The following GTF3C3 variants were observed in gnomAD, a reference collection of about 807,000 sequenced individuals.
GTF3C3 encodes the protein general transcription factor IIIC subunit 3.
In GTF3C3, 75 loss-of-function variants were observed where a neutral mutation model predicts 105.2. The ratio of observed to expected loss-of-function variants is 0.71; its 90% CI spans 0.59 to 0.86. The LOEUF (loss-of-function observed/expected upper bound fraction) is 0.86. Among genes scored for constraint, GTF3C3 ranks in the 40% least tolerant of loss-of-function variants. The pLI, the probability that GTF3C3 is intolerant of heterozygous loss-of-function variation, is 0.00. For missense variants in GTF3C3, 856 were observed against 1,076.5 expected, an observed-to-expected ratio of 0.80 and a Z score of 2.87; for synonymous variants, 335 against 370.4, an observed-to-expected ratio of 0.90 and a Z score of 1.10.
intron 2 of GTF3C3, among the ~76,000 whole-genome samples, chr2:196,795,928 TTGCTGAACAC>T (rs1302985926): frequency 3.9e-5 from 6 of 152,116 alleles, no homozygotes; most frequent in Non-Finnish European, 4.4e-5. Flanking sequence ...TTTAGCAAGG[TTGCTGAACAC>T]AAAGTCAATA....
At chr2:196,777,226 A>T (rs555694022) in intron 10 of GTF3C3, among the ~76,000 whole-genome samples, 1 of 152,148 alleles carries the variant, frequency 6.6e-6, no homozygotes, top group South Asian at 2.1e-4. Flanking sequence ...AGTGCCCTTT[A>T]GAAAGGCCTC....
Position 196,789,235 on chromosome 2 carries a change from G to A in GTF3C3, c.862C>T (p.Arg288Cys), listed in dbSNP as rs750348675. ...ATATCTCTAGCCAGCTGCATAAAAC[G>A]TTCGCCATCAGATGGAGACAAAAGG... ...LNLLSPSDGERFMQLARDMAK... is the reference protein window; with the variant it reads ...LNLLSPSDGECFMQLARDMAK... The change falls in exon 6 of 18, where the codon CGT (arginine) becomes TGT (cysteine). Residue 288 changes from arginine to cysteine, a missense_variant. Around this residue, in one of 3 missense-constraint regions of GTF3C3, gnomAD observed 605 missense variants for 833.6 expected, o/e 0.73. Transcript: ENST00000263956. 1.1e-5 allele frequency: 17 copies of A among 1,611,404 alleles called. No homozygotes were observed. In the Admixed American group the frequency reaches 1.5e-4, roughly 14 times the overall value.
Position 196,771,744 on chromosome 2 carries a change from T to C in GTF3C3, c.2260+4A>G, listed in dbSNP as rs755479072. 1.4e-5 allele frequency: 23 copies of C among 1,600,592 alleles called. No individual in the cohort carries two copies. Among genetic ancestry groups the C allele is most frequent in the East Asian group, 2.2e-5 (1 of 44,822 alleles). ...TTGACAAAGTCACGTGCCAGGACAC[T>C]TACCAAGCGCATGCTTAAAACTACC... On this transcript the variant is annotated splice_donor_region_variant and intron_variant, in intron 15 of 17. Coordinates refer to ENST00000263956, the MANE Select transcript of GTF3C3 (RefSeq NM_012086.5).
intron 14 of GTF3C3, among the ~76,000 whole-genome samples, chr2:196,772,526 CAAT>C (rs1300551078): frequency 6.6e-6 from 1 of 151,934 alleles, no homozygotes; most frequent in Non-Finnish European, 1.5e-5. Context: ...CCAGCCTGGG[CAAT>C]AGGAGCAAAA....
chr2:196,771,655 A>G (rs62185599), intron 15 of GTF3C3, 93 bp downstream of exon 15: 173,052 of 774,278 alleles, frequency 0.22, 21,880 homozygotes, highest in African/African-American at 0.44. Context: ...TGTCACAGTG[A>G]GGCTGATAAT....
chr2:196,770,063 G>A (rs1699145122), intron 15 of GTF3C3, 24 bp from the exon 16 acceptor site: 1 of 1,487,570 alleles, frequency 6.7e-7, no homozygotes, highest in African/African-American at 1.5e-5. Flanking sequence ...AGTGGTGTCA[G>A]ACGGTGTGAC....
In GTF3C3 at chr2:196,776,607, A is replaced by C; in HGVS notation, c.1413T>G (p.Tyr471Ter). ...RHAECLKALG[Y>*]MERAAESYGK... is the part of the protein sequence containing the mutation. The stretch of plus-strand genomic sequence containing the variant: ...CATAGCTTTCAGCAGCTCGCTCCAT[A>C]TAGCCTAAGGCCTTTAAACATTCTA... The change falls in exon 11 of 18, where the codon TAT (tyrosine) becomes TAG (stop). Residue 471 changes from tyrosine (Y) to a stop codon, truncating the protein, a stop_gained. Coordinates refer to ENST00000263956, the MANE Select transcript of GTF3C3 (RefSeq NM_012086.5). LOFTEE classifies it high-confidence loss of function. This position sits in a 1 kb window ranked among gnomAD's most constrained non-coding sequence, Gnocchi z 4.5. 2 of 1,613,998 alleles carry C rather than the reference A, an allele frequency of 1.2e-6. No individual in the cohort carries two copies. Among genetic ancestry groups the C allele is most frequent in the Non-Finnish European group, 1.7e-6 (2 of 1,179,840 alleles).
In GTF3C3 at chr2:196,786,553, T is replaced by C. The variant is rs1489725526; in HGVS notation, c.894-965A>G. Among the ~76,000 whole-genome samples, 1 of 152,150 alleles carries C rather than the reference T, an allele frequency of 6.6e-6. No homozygotes were observed. The highest frequency in any genetic ancestry group is 1.5e-5 in the Non-Finnish European group (1 of 68,020). ...TAATTGTATACATGAAAATAACCCC[T>C]AGTTTGATCCCATTCCCTATGATCT... On this transcript the variant is annotated intron_variant, in intron 6 of 17. Transcript: ENST00000263956. This position sits in a 1 kb window ranked among gnomAD's most constrained non-coding sequence, Gnocchi z 4.2.
At chr2:196,781,357 A>AAATATATATATATATAT in intron 8 of GTF3C3, among the ~76,000 whole-genome samples, 2 of 18,810 alleles carry the variant, frequency 1.1e-4, no homozygotes, top group Non-Finnish European at 1.5e-4. Context: ...AAAAAAAAAA[A>AAATATATATATATATAT]ATATATATAT....
At chr2:196,781,073 G>C (rs1576026282) in intron 8 of GTF3C3, among the ~76,000 whole-genome samples, 1 of 151,588 alleles carries the variant, frequency 6.6e-6, no homozygotes, top group Non-Finnish European at 1.5e-5. Flanking sequence ...AATTTTTAAA[G>C]CCCTGGGAAA....
chr2:196,778,688 C>G (rs1000884847), intron 10 of GTF3C3: 1 of 574,190 alleles, frequency 1.7e-6, no homozygotes, highest in Admixed American at 3.0e-5. Context: ...CAACTTCACT[C>G]TGGCATCATT....
chr2:196,781,357 A>AAAAAAAAAAAAAAAAAAT, intron 8 of GTF3C3, among the ~76,000 whole-genome samples: 9 of 18,810 alleles, frequency 4.8e-4, no homozygotes, highest in African/African-American at 6.2e-4. Flanking sequence ...AAAAAAAAAA[A>AAAAAAAAAAAAAAAAAAT]ATATATATAT....
At chr2:196,794,709 A>G (rs1275683060) in intron 2 of GTF3C3, among the ~76,000 whole-genome samples, 1 of 151,128 alleles carries the variant, frequency 6.6e-6, no homozygotes, top group Non-Finnish European at 1.5e-5. Context: ...TGCTGGGATT[A>G]CAGGCGTGAG....
chr2:196,794,561 G>A (rs1239917511), intron 2 of GTF3C3, among the ~76,000 whole-genome samples: 2 of 151,142 alleles, frequency 1.3e-5, no homozygotes, highest in African/African-American at 4.9e-5. Flanking sequence ...CAGCCTCATG[G>A]GGTAGCTGGG....
intron 6 of GTF3C3, among the ~76,000 whole-genome samples, chr2:196,787,853 T>C (rs1004972107): frequency 6.6e-6 from 1 of 152,180 alleles, no homozygotes; most frequent in Admixed American, 6.5e-5. Context: ...TATTCAATAA[T>C]ATTTCTGGAG....
At chr2:196,784,978 AT>A in intron 7 of GTF3C3, 49 bp from the exon 8 acceptor site, 1 of 1,203,584 alleles carries the variant, frequency 8.3e-7, no homozygotes. Context: ...GTGAAAAACC[AT>A]TTCATAATGC....
Position 196,771,828 on chromosome 2 carries a change from A to T in GTF3C3, c.2180T>A (p.Leu727Gln). 6.2e-7 allele frequency: 1 copy of T among 1,612,848 alleles called. No homozygotes were observed. Residue 727 changes from leucine to glutamine, a missense_variant, in exon 15 of 18, where the codon CTG becomes CAG. This residue lies in a region of GTF3C3 where 605 missense variants were observed against 833.6 expected (regional missense o/e 0.73). Transcript: ENST00000263956. The stretch of plus-strand genomic sequence containing the variant: ...TAGGGCATGATTTTCTGGGTTTTTC[A>T]GCATCAAACGGAGACAGAAGCGATG... Reference protein sequence around the residue: ...RHHRFCLRLMLKNPENHALCV... With the variant: ...RHHRFCLRLMQKNPENHALCV...
At chr2:196,772,007 C>A (rs1699183929) in intron 14 of GTF3C3, 69 bp from the exon 15 acceptor site, 2 of 1,012,200 alleles carry the variant, frequency 2.0e-6, no homozygotes, top group Non-Finnish European at 3.1e-6. Context: ...AAAATGAAAC[C>A]CTTCAGTGCT....
In GTF3C3 at chr2:196,778,920, C is replaced by G; in HGVS notation, c.1366G>C (p.Ala456Pro). The G allele has an allele frequency of 3.7e-6, 6 of 1,614,072 alleles. No homozygotes were observed. Among genetic ancestry groups the G allele is most frequent in the South Asian group, 1.1e-5 (1 of 91,070 alleles). The change falls in exon 10 of 18, where the codon GCA becomes CCA. Residue 456 changes from alanine to proline, a missense_variant. Physicochemically the swap from Ala to Pro is conservative, Grantham distance 27. Transcript: ENST00000263956. ...ALVCSERYNL[A>P]VVWLRHAECL... ...CCTGCATGACGAAGCCAAACTACTG[C>G]AAGGTTGTATCTTTCAGAGCAAACA...
Sources: gnomAD v4.1 joint callset for allele counts (sites outside exome capture counted in the v4.1 genomes callset) on GRCh38, gnomAD v4.1.1 for gene constraint, gnomAD v4.1.1 regional missense constraint, Gnocchi (gnomAD v3.1) non-coding constraint, MANE v1.5 for transcripts, NCBI Gene and HGNC (gene_info 2026-07-23, HGNC 2026-07-21) for gene names.